CADPS: variants seen among roughly 807,000 people sequenced by gnomAD.
The protein encoded by CADPS is calcium dependent secretion activator, also known as calcium-dependent secretion activator 1.
A neutral mutation model predicts 167.3 loss-of-function variants in CADPS; 57 were observed. The observed-to-expected ratio is 0.34, with a 90% CI of 0.28 to 0.42. CADPS has a LOEUF of 0.42. Among genes scored for constraint, CADPS ranks in the 20% least tolerant of loss-of-function variants. CADPS has a pLI of 1.00. For synonymous variants in CADPS, 676 were observed against 635.3 expected, an observed-to-expected ratio of 1.06 and a Z score of -0.96; for missense variants, 1,414 against 1,738.1, an observed-to-expected ratio of 0.81 and a Z score of 3.32.
chr3:62,585,417 G>C, intron 7 of CADPS, 93 bp from the exon 8 acceptor site: 9 of 1,299,300 alleles, frequency 6.9e-6, no homozygotes, highest in African/African-American at 1.5e-5. Flanking sequence ...GGAGTGACTT[G>C]AACAATTCCC....
chr3:62,715,400 G>A (rs1449371140), intron 3 of CADPS, among the ~76,000 whole-genome samples: 6 of 90,536 alleles, frequency 6.6e-5, no homozygotes, highest in South Asian at 3.4e-4. Context: ...CTATCTATCT[G>A]TATTATATAT....
intron 3 of CADPS, among the ~76,000 whole-genome samples, chr3:62,681,952 G>A (rs540653125): frequency 1.3e-5 from 2 of 152,098 alleles, no homozygotes; most frequent in Non-Finnish European, 2.9e-5. Context: ...ACCTCATTTG[G>A]AGGAAAATCA....
chr3:62,761,658 G>T (rs2085466209), intron 2 of CADPS, among the ~76,000 whole-genome samples: 1 of 151,938 alleles, frequency 6.6e-6, no homozygotes, highest in Non-Finnish European at 1.5e-5. Flanking sequence ...AAGCAGGGAG[G>T]TGAGGAGGTG....
At chr3:62,593,292 G>C (rs1418641873) in intron 6 of CADPS, among the ~76,000 whole-genome samples, 1 of 152,204 alleles carries the variant, frequency 6.6e-6, no homozygotes. Flanking sequence ...GATTGGAAGG[G>C]AGAAGGATGA....
At chr3:62,712,769 A>C (rs951951523) in intron 3 of CADPS, among the ~76,000 whole-genome samples, 1 of 152,198 alleles carries the variant, frequency 6.6e-6, no homozygotes. Context: ...CTTTGATTCC[A>C]CTGGAGATGT....
In CADPS at chr3:62,512,735, T is replaced by C; in HGVS notation, c.2599+16A>G. The C allele has an allele frequency of 6.3e-7, 1 of 1,597,018 alleles. No homozygotes were observed. The highest frequency in any genetic ancestry group is 8.6e-7 in the Non-Finnish European group (1 of 1,166,868). On this transcript the variant is annotated intron_variant, in intron 17 of 29. Coordinates refer to ENST00000383710, the MANE Select transcript of CADPS (RefSeq NM_003716.4). ...AACAGTCCTGATAATTTATAATGCA[T>C]ATACAATTGGTTCACCTGCATCCTT... is the stretch of plus-strand genomic sequence containing the variant.
In CADPS at chr3:62,438,187, C is replaced by T. The variant is rs1238715963; in HGVS notation, c.3694G>A (p.Ala1232Thr). The change falls in exon 28 of 30, where the codon GCC becomes ACC. Residue 1232 changes from alanine to threonine, a missense_variant. By Grantham distance (58) the Ala-to-Thr change is moderately conservative. Coordinates refer to ENST00000383710, the MANE Select transcript of CADPS (RefSeq NM_003716.4). This position sits in a 1 kb window ranked among gnomAD's most constrained non-coding sequence, Gnocchi z 4.7. ...GAATGGCGGACGAAAGTCACGTAGGCGTCGGCCACGTCCATCCCGGGTTTC... is the reference window on the plus strand; with the variant it reads ...GAATGGCGGACGAAAGTCACGTAGGTGTCGGCCACGTCCATCCCGGGTTTC... ...VPKPGMDVADAYVTFVRHSQD... is the reference protein window; with the variant it reads ...VPKPGMDVADTYVTFVRHSQD... 7.4e-6 allele frequency: 12 copies of T among 1,613,372 alleles called. No homozygotes were observed. The highest frequency in any genetic ancestry group is 2.2e-5 in the East Asian group (1 of 44,856).
intron 1 of CADPS, among the ~76,000 whole-genome samples, chr3:62,837,911 T>C (rs1224994756): frequency 6.6e-6 from 1 of 152,178 alleles, no homozygotes; most frequent in Non-Finnish European, 1.5e-5. Context: ...AATATAGAAT[T>C]TCCTTCTCTA....
At chr3:62,797,061 G>A (rs2093461827) in intron 1 of CADPS, among the ~76,000 whole-genome samples, 2 of 152,170 alleles carry the variant, frequency 1.3e-5, no homozygotes, top group African/African-American at 4.8e-5. Flanking sequence ...GAAGTGAGAT[G>A]CATTGAGACA....
At chr3:62,781,687 G>A (rs1215114678) in intron 1 of CADPS, among the ~76,000 whole-genome samples, 4 of 152,036 alleles carry the variant, frequency 2.6e-5, no homozygotes, top group African/African-American at 9.7e-5. Context: ...GTGTGTGGGG[G>A]CACATGGCAG....
At chr3:62,483,765 TTA>T (rs1453439941) in intron 21 of CADPS, among the ~76,000 whole-genome samples, 1 of 152,194 alleles carries the variant, frequency 6.6e-6, no homozygotes, top group African/African-American at 2.4e-5. Context: ...CTGGTGGCTC[TTA>T]GTCTTAAACA....
chr3:62,661,665 C>T (rs952778242), intron 4 of CADPS, among the ~76,000 whole-genome samples: 2 of 152,008 alleles, frequency 1.3e-5, no homozygotes, highest in African/African-American at 4.8e-5. Context: ...TGAGTTTTAT[C>T]CGGGCAACTG....
chr3:62,734,667 GTATTCTAT>G (rs1348482708), intron 3 of CADPS, among the ~76,000 whole-genome samples: 11 of 152,204 alleles, frequency 7.2e-5, no homozygotes, highest in African/African-American at 2.6e-4. Flanking sequence ...TATTGTTACT[GTATTCTAT>G]TGTATGGCTA....
In CADPS at chr3:62,601,276, G is replaced by A. The variant is rs902166666; in HGVS notation, c.1326-8528C>T. Among the ~76,000 whole-genome samples the A allele has an allele frequency of 6.6e-6, 1 of 152,124 alleles. No homozygotes were observed. The highest frequency in any genetic ancestry group is 2.4e-5 in the African/African-American group (1 of 41,410). On this transcript the variant is annotated intron_variant, in intron 6 of 29. Coordinates refer to ENST00000383710, the MANE Select transcript of CADPS (RefSeq NM_003716.4). The surrounding 1 kb of genome is among the most constrained non-coding windows in gnomAD (Gnocchi z 4.3). ...ATAACGTTTTATTAGAACATAGTTAGCTTACTCATTTTTGTTTTGTCTATG... is the reference window on the plus strand; with the variant it reads ...ATAACGTTTTATTAGAACATAGTTAACTTACTCATTTTTGTTTTGTCTATG...
intron 8 of CADPS, among the ~76,000 whole-genome samples, chr3:62,575,839 A>G (rs2082161483): frequency 6.6e-6 from 1 of 152,202 alleles, no homozygotes; most frequent in East Asian, 1.9e-4. Context: ...ATCAGAGAAA[A>G]AGTAACAATT....
At chr3:62,758,848 G>A (rs2084654143) in intron 2 of CADPS, among the ~76,000 whole-genome samples, 1 of 152,110 alleles carries the variant, frequency 6.6e-6, no homozygotes, top group Admixed American at 6.5e-5. Flanking sequence ...CAACCTCAAG[G>A]TCATTTTAGA....
At chr3:62,417,245 T>A (rs2149346231) in intron 28 of CADPS, among the ~76,000 whole-genome samples, 1 of 151,486 alleles carries the variant, frequency 6.6e-6, no homozygotes, top group Admixed American at 6.6e-5. Context: ...TTTCCAAATG[T>A]ACTTAACACA....
At chr3:62,512,673 G>A (rs2068095335) in intron 17 of CADPS, 78 bp downstream of exon 17, 1 of 1,090,108 alleles carries the variant, frequency 9.2e-7, no homozygotes, top group Admixed American at 2.0e-5. Flanking sequence ...ACCTTAAGGA[G>A]CCATTGAAAA....
chr3:62,771,694 A>G (rs1269633722), intron 1 of CADPS, among the ~76,000 whole-genome samples: 2 of 152,208 alleles, frequency 1.3e-5, no homozygotes, highest in African/African-American at 4.8e-5. Context: ...ATGAATTCCA[A>G]GCAGAAAACC....
Sources: gnomAD v4.1 joint callset for allele counts (sites outside exome capture counted in the v4.1 genomes callset) on GRCh38, gnomAD v4.1.1 for gene constraint, Gnocchi (gnomAD v3.1) non-coding constraint, MANE v1.5 for transcripts, NCBI Gene and HGNC (gene_info 2026-07-23, HGNC 2026-07-21) for gene names.